ZNF547: variants seen among roughly 807,000 people sequenced by gnomAD.
ZNF547 encodes zinc finger protein 547.
ZNF547 carries 4 observed loss-of-function variants against 7.7 expected under a neutral mutation model. The ratio of observed to expected loss-of-function variants is 0.52; its 90% CI spans 0.26 to 1.20. The LOEUF is 1.20. Ranked by LOEUF, ZNF547 falls within the 50% of genes most tolerant of loss-of-function variation. ZNF547 has a pLI of 0.14. For synonymous variants in ZNF547, 166 were observed against 166.2 expected, an observed-to-expected ratio of 1.00 and a Z score of 0.01; for missense variants, 449 against 485.8, an observed-to-expected ratio of 0.92 and a Z score of 0.71.
At chr19:57,366,501 C>T (rs1445310620) in intron 1 of ZNF547, among the ~76,000 whole-genome samples, 2 of 150,120 alleles carry the variant, frequency 1.3e-5, no homozygotes, top group Non-Finnish European at 3.0e-5. Context: ...TGAGCCACTG[C>T]GCCTGGCTGG....
chr19:57,365,357 G>T, intron 1 of ZNF547: 1 of 832,928 alleles, frequency 1.2e-6, no homozygotes. Flanking sequence ...AATCTTTTGT[G>T]TATTCTCAGC....
At chr19:57,371,758 T>A in intron 2 of ZNF547, 24 bp from the exon 3 acceptor site, 2 of 1,600,436 alleles carry the variant, frequency 1.2e-6, no homozygotes, top group Non-Finnish European at 1.7e-6. Flanking sequence ...GCTGCTCATG[T>A]ATTCATCTTT....
intron 1 of ZNF547, chr19:57,364,787 C>G (rs1036841718): frequency 4.8e-6 from 7 of 1,472,286 alleles, no homozygotes; most frequent in Non-Finnish European, 6.5e-6. Flanking sequence ...ACTGACATTG[C>G]GTTTCCGTTG....
At chr19:57,374,156 T>C (rs942742968) in intron 3 of ZNF547, among the ~76,000 whole-genome samples, 1 of 152,186 alleles carries the variant, frequency 6.6e-6, no homozygotes, top group Non-Finnish European at 1.5e-5. Context: ...CTCCCAAATA[T>C]CAGTTCATGA....
rs546912294 is a variant in ZNF547 at position 57,364,778 on chromosome 19, C to T, written c.-13+1075C>T. The T allele has an allele frequency of 3.1e-5, 44 of 1,441,958 alleles. 3 individuals are homozygous for T. The South Asian group carries it at 5.2e-4, about 17-fold the overall frequency. The allele number at this position is 1,441,958 out of a possible 1,614,324, so 89.3% of individuals were successfully genotyped here. On this transcript the variant is annotated intron_variant, in intron 1 of 3. Coordinates refer to ENST00000282282, the MANE Select transcript of ZNF547 (RefSeq NM_173631.4). ...GGAGCGCGGGTCTCTTCCGCGGAAA[C>T]TGACATTGCGTTTCCGTTGTCGGCC...
rs753539995 is a variant in ZNF547, at chr19:57,371,659, C to T, written c.25-123C>T. ...CAGGATGGTAGGGGAGATGGAAACA[C>T]ATTTAGCTGTTAGTTTGTCCCTGTG... On this transcript the variant is annotated intron_variant, in intron 2 of 3. Coordinates refer to ENST00000282282, the MANE Select transcript of ZNF547 (RefSeq NM_173631.4). 9 of 1,422,872 alleles carry T rather than the reference C, an allele frequency of 6.3e-6. No individual in the cohort carries two copies. The African/African-American group carries it at 1.1e-4, about 18-fold the overall frequency. The allele number at this position is 1,422,872 out of a possible 1,614,324, so 88.1% of individuals were successfully genotyped here.
At chr19:57,376,732 G>C (rs1032077084) in intron 3 of ZNF547, among the ~76,000 whole-genome samples, 2 of 152,094 alleles carry the variant, frequency 1.3e-5, no homozygotes, top group South Asian at 4.1e-4. Flanking sequence ...AAACTTATTC[G>C]TGGAGGCCTG....
intron 3 of ZNF547, 149 bp downstream of exon 3, chr19:57,372,057 A>G (rs2088508568): frequency 1.0e-5 from 13 of 1,306,020 alleles, no homozygotes; most frequent in Non-Finnish European, 1.3e-5. Context: ...TCAGGACTGC[A>G]ATATGTGCTG....
chr19:57,377,226 C>T lies in ZNF547; in HGVS notation c.250C>T (p.Gln84Ter), dbSNP rs2088541496. Residue 84 changes from glutamine to a stop codon, truncating the protein, a stop_gained, in exon 4 of 4, where the codon CAG becomes TAG. Transcript: ENST00000282282. LOFTEE classifies it low-confidence loss of function (END_TRUNC). ...GGCTCCAAAGCCCTGTCTATCTACC[C>T]AGAATACCCAGCCCTGTGAGACATG... ...VMAPKPCLST[Q>*]NTQPCETCSS... 2 of 1,614,212 alleles carry T rather than the reference C, an allele frequency of 1.2e-6. No homozygotes were observed. Among genetic ancestry groups the T allele is most frequent in the Non-Finnish European group, 1.7e-6 (2 of 1,180,048 alleles).
chr19:57,376,240 A>G (rs1331642788), intron 3 of ZNF547, among the ~76,000 whole-genome samples: 1 of 152,116 alleles, frequency 6.6e-6, no homozygotes, highest in Admixed American at 6.5e-5. Flanking sequence ...CGTCCCCATG[A>G]TTCGGTTACC....
chr19:57,377,679 T>A lies in ZNF547; in HGVS notation c.703T>A (p.Ser235Thr). The A allele has an allele frequency of 6.2e-7, 1 of 1,610,280 alleles. No homozygotes were observed. Residue 235 changes from serine (S) to threonine (T), a missense_variant, in exon 4 of 4, where the codon TCT (serine) becomes ACT (threonine). Transcript: ENST00000282282. ...SHLVRHQTIH[S>T]GERPYECSEC... ...CCTTGTTCGTCACCAGACAATCCAC[T>A]CTGGAGAAAGGCCTTATGAGTGCAG...
intron 2 of ZNF547, among the ~76,000 whole-genome samples, chr19:57,369,220 G>A (rs535897838): frequency 6.6e-6 from 1 of 152,288 alleles, no homozygotes; most frequent in Non-Finnish European, 1.5e-5. Context: ...AAGAGTAGCG[G>A]TGGCTTCAGG....
Position 57,365,577 on chromosome 19 carries a change from C to T in ZNF547, c.-13+1874C>T, listed in dbSNP as rs189455431. ...AGGCTGGAGTGCAGTGGCACAGTCT[C>T]GTCTCACTGCACCCTCCGCCTCCCA... On this transcript the variant is annotated intron_variant, in intron 1 of 3. Transcript: ENST00000282282. Among the ~76,000 whole-genome samples the T allele has an allele frequency of 2.0e-3, 298 of 146,254 alleles. 1 individual carries two copies. The highest frequency in any genetic ancestry group is 6.7e-3 in the African/African-American group (266 of 39,672).
In ZNF547 at chr19:57,378,287, C is replaced by A; in HGVS notation, c.*102C>A. The stretch of plus-strand genomic sequence containing the variant: ...CTGGAGAAAGACTGAATGCCGTGAA[C>A]GTGGGTAATTATGTAGGTACAGCTC... On this transcript the variant is annotated 3_prime_UTR_variant, in exon 4 of 4. Transcript: ENST00000282282. The A allele has an allele frequency of 1.8e-6, 2 of 1,084,034 alleles. No individual in the cohort carries two copies. The highest frequency in any genetic ancestry group is 2.7e-6 in the Non-Finnish European group (2 of 741,790). 67.2% of individuals were successfully genotyped at this position (1,084,034 alleles called of 1,614,324 possible). A position where few individuals can be genotyped will look rare whatever the true frequency, so the allele number is the denominator to read the frequency against.
At chr19:57,364,982 A>G (rs750596127) in intron 1 of ZNF547, 2 of 1,613,038 alleles carry the variant, frequency 1.2e-6, no homozygotes, top group South Asian at 2.2e-5. Context: ...GACCTCGTAG[A>G]TGAGAACATG....
chr19:57,373,301 C>T (rs2088517498), intron 3 of ZNF547, among the ~76,000 whole-genome samples: 1 of 152,166 alleles, frequency 6.6e-6, no homozygotes, highest in African/African-American at 2.4e-5. Context: ...ATGAGAACGG[C>T]ATGGGGGAAA....
At chr19:57,365,043 G>A in intron 1 of ZNF547, 1 of 1,611,976 alleles carries the variant, frequency 6.2e-7, no homozygotes, top group South Asian at 1.1e-5. Context: ...TCAACGAGTG[G>A]TTTGTGTCAG....
chr19:57,371,898 GT>G lies in ZNF547; in HGVS notation c.142del (p.Ser48ProfsTer3). The G allele has an allele frequency of 1.2e-6, 2 of 1,609,256 alleles. No individual in the cohort carries two copies. The highest frequency in any genetic ancestry group is 1.7e-6 in the Non-Finnish European group (2 of 1,177,158). ...DVMLENLALL[S>X]SLGCCHGAED... is the part of the protein sequence containing the mutation. ...TGATGCTGGAGAATTTGGCCCTTTT[GT>G]CCTCACTAGGTAAGGCCCTCACACT... On this transcript the variant is annotated frameshift_variant, in exon 3 of 4. Coordinates refer to ENST00000282282, the MANE Select transcript of ZNF547 (RefSeq NM_173631.4). LOFTEE classifies it low-confidence loss of function (END_TRUNC).
At position 57,377,198 on chromosome 19, in the gene ZNF547, C is replaced by T; in HGVS notation, c.222C>T (p.Val74=). 6.2e-7 allele frequency: 1 copy of T among 1,614,190 alleles called. No homozygotes were observed. Among genetic ancestry groups the T allele is most frequent in the African/African-American group, 1.3e-5 (1 of 75,050 alleles). The part of the protein sequence containing the change: ...EPGVSVGVSQ[V]MAPKPCLSTQ... ...GTGTTTCTGTAGGAGTGTCACAGGT[C>T]ATGGCTCCAAAGCCCTGTCTATCTA... is the stretch of plus-strand genomic sequence containing the variant. The change falls in exon 4 of 4, where the codon GTC becomes GTT. Residue 74 remains valine, a synonymous_variant. Coordinates refer to ENST00000282282, the MANE Select transcript of ZNF547 (RefSeq NM_173631.4).
Sources: gnomAD v4.1 joint callset for allele counts (sites outside exome capture counted in the v4.1 genomes callset) on GRCh38, gnomAD v4.1.1 for gene constraint, MANE v1.5 for transcripts, NCBI Gene and HGNC (gene_info 2026-07-23, HGNC 2026-07-21) for gene names.